Variants in PHYH observed in about 807,000 individuals in gnomAD.
PHYH encodes phytanoyl-CoA dioxygenase, peroxisomal.
Under a neutral mutation model 38.5 loss-of-function variants are expected in PHYH, and 32 were observed. The ratio of observed to expected loss-of-function variants is 0.83; its 90% CI spans 0.63 to 1.12. The LOEUF (loss-of-function observed/expected upper bound fraction) is 1.12. Among genes scored for constraint, PHYH ranks in the 50% most tolerant of loss-of-function variants. The pLI is 0.00. For missense variants in PHYH, 426 were observed against 434.8 expected (o/e 0.98, Z 0.18); for synonymous variants, 166 against 157.9 (o/e 1.05, Z -0.38).
intron 2 of PHYH, among the ~76,000 whole-genome samples, chr10:13,296,879 G>A (rs186261928): frequency 3.0e-4 from 45 of 150,794 alleles, no homozygotes; most frequent in African/African-American, 1.0e-3. Context: ...GCGTGAACCC[G>A]GGAGGCGGAG....
intron 6 of PHYH, among the ~76,000 whole-genome samples, chr10:13,286,081 T>C (rs1835541860): frequency 6.6e-6 from 1 of 151,960 alleles, no homozygotes; most frequent in South Asian, 2.1e-4. Flanking sequence ...CTAATTATTA[T>C]TATTATTATT....
chr10:13,283,919 C>A, intron 6 of PHYH, 80 bp from the exon 7 acceptor site: 4 of 1,168,182 alleles, frequency 3.4e-6, no homozygotes, highest in Non-Finnish European at 5.2e-6. Flanking sequence ...TCAGGGAAAG[C>A]AAACATCAGG....
intron 7 of PHYH, among the ~76,000 whole-genome samples, chr10:13,282,676 C>G (rs1835441889): frequency 1.3e-5 from 2 of 152,108 alleles, no homozygotes; most frequent in South Asian, 2.1e-4. Context: ...GTGCCTGCAC[C>G]TCGCTACTTG....
chr10:13,299,899 C>G, intron 1 of PHYH, 69 bp downstream of exon 1: 9 of 1,473,272 alleles, frequency 6.1e-6, no homozygotes, highest in Non-Finnish European at 8.0e-6. Context: ...CCACCCGGAC[C>G]AGGGCCACCA....
rs1431420703 is a variant in PHYH, at chr10:13,299,059, G to A, written c.76-814C>T. ...GGAGGCTGAGGTGGAAGGATCTCTT[G>A]AGCCCAGGAGTGAGCCGAGATCGTA... On this transcript the variant is annotated intron_variant, in intron 1 of 8. Coordinates refer to ENST00000263038, the MANE Select transcript of PHYH (RefSeq NM_006214.4). 2.7e-5 allele frequency among the ~76,000 whole-genome samples: 4 copies of A among 149,274 alleles called. No individual in the cohort carries two copies. The East Asian group carries it at 7.9e-4, about 29-fold the overall frequency.
intron 7 of PHYH, among the ~76,000 whole-genome samples, chr10:13,282,804 C>T (rs1215853201): frequency 2.6e-5 from 4 of 151,884 alleles, no homozygotes; most frequent in East Asian, 3.9e-4. Context: ...TTTTAAATTT[C>T]GCATTAAAAT....
intron 6 of PHYH, among the ~76,000 whole-genome samples, chr10:13,286,213 T>C (rs1835545650): frequency 1.3e-5 from 2 of 152,140 alleles, no homozygotes; most frequent in Non-Finnish European, 2.9e-5. Flanking sequence ...AATAGTCATC[T>C]CTCTGGTTTC....
intron 5 of PHYH, 113 bp downstream of exon 5, chr10:13,291,718 A>G: frequency 2.7e-6 from 2 of 741,342 alleles, no homozygotes; most frequent in Middle Eastern, 2.7e-4. Flanking sequence ...GGCCTCAGAG[A>G]TCTTCCTCCC....
At chr10:13,292,017 T>C (rs764518228) in intron 4 of PHYH, 105 bp from the exon 5 acceptor site, 4 of 779,174 alleles carry the variant, frequency 5.1e-6, no homozygotes, top group Non-Finnish European at 8.8e-6. Context: ...AAGAAGGCAA[T>C]AGTTTAAGAA....
chr10:13,298,717 C>CTA lies in PHYH; in HGVS notation c.76-473_76-472insTA, dbSNP rs56048454. On this transcript the variant is annotated intron_variant, in intron 1 of 8. Transcript: ENST00000263038. Reference sequence around the variant, plus strand: ...CTCCATCTCAGAAAAAAAACTACCACCACTACTACTACTACTACTACTACT... The same window carrying CTA: ...CTCCATCTCAGAAAAAAAACTACCACTACACTACTACTACTACTACTACTACT... 8.7e-3 allele frequency among the ~76,000 whole-genome samples: 1,025 copies of CTA among 117,144 alleles called. 21 individuals are homozygous for CTA. The highest frequency in any genetic ancestry group is 0.033 in the East Asian group (107 of 3,240). The allele number at this position is 117,144 out of a possible 152,430, so 76.9% of individuals were successfully genotyped here. A position where few individuals can be genotyped will look rare whatever the true frequency, so the allele number is the denominator to read the frequency against.
Position 13,299,987 on chromosome 10 carries a change from C to T in PHYH, c.56G>A (p.Arg19His). Reference protein sequence around the residue: ...RLQIVLGHLGRPSAGAVVAHP... With the variant: ...RLQIVLGHLGHPSAGAVVAHP... ...GGATACGACAGCCCCGGCCGAGGGG[C>T]GGCCGAGGTGGCCCAGAACAATCTG... The change falls in exon 1 of 9, where the codon CGC becomes CAC. Residue 19 changes from arginine (R) to histidine (H), a missense_variant. Physicochemically the swap from Arg to His is conservative, Grantham distance 29. Coordinates refer to ENST00000263038, the MANE Select transcript of PHYH (RefSeq NM_006214.4). 1 of 1,531,462 alleles carries T rather than the reference C, an allele frequency of 6.5e-7. No homozygotes were observed. The allele number at this position is 1,531,462 out of a possible 1,614,324, so 94.9% of individuals were successfully genotyped here.
chr10:13,297,930 A>G (rs1832610523), intron 2 of PHYH, among the ~76,000 whole-genome samples: 3 of 151,718 alleles, frequency 2.0e-5, no homozygotes, highest in Admixed American at 6.6e-5. Flanking sequence ...GCCCGTCTCT[A>G]TTAAAAATAA....
intron 3 of PHYH, 185 bp downstream of exon 3, chr10:13,295,311 G>A: frequency 1.7e-6 from 1 of 582,052 alleles, no homozygotes; most frequent in Non-Finnish European, 3.1e-6. Flanking sequence ...CTACACAACA[G>A]AGTGAGAACC....
chr10:13,298,222 A>T lies in PHYH; in HGVS notation c.99T>A (p.Thr33=). 1 of 1,606,888 alleles carries T rather than the reference A, an allele frequency of 6.2e-7. No homozygotes were observed. The change falls in exon 2 of 9, where the codon ACT becomes ACA. Residue 33 remains threonine (T), a synonymous_variant. Transcript: ENST00000263038. ...GAVVAHPTSG[T]ISSASFHPQQ... The stretch of plus-strand genomic sequence containing the variant: ...GAGGATGGAAACTGGCAGAGGAAAT[A>T]GTCCCTGAAGTGGGATGAGCTACCT...
At chr10:13,291,026 C>G (rs1449505991) in intron 5 of PHYH, among the ~76,000 whole-genome samples, 1 of 140,398 alleles carries the variant, frequency 7.1e-6, no homozygotes, top group Non-Finnish European at 1.5e-5. Flanking sequence ...ATTGTTTGAA[C>G]CTGGGAGGTG....
intron 1 of PHYH, chr10:13,299,645 C>G: frequency 8.6e-7 from 1 of 1,162,980 alleles, no homozygotes; most frequent in Non-Finnish European, 1.1e-6. Flanking sequence ...GGTCTCTGGA[C>G]AGCTGCCGGG....
intron 4 of PHYH, 23 bp from the exon 5 acceptor site, chr10:13,291,935 A>G (rs776777766): frequency 6.5e-7 from 1 of 1,530,512 alleles, no homozygotes; most frequent in Non-Finnish European, 9.0e-7. Context: ...AAAAAAAACA[A>G]AAACAAACCT....
intron 6 of PHYH, among the ~76,000 whole-genome samples, chr10:13,286,713 A>C (rs1343765597): frequency 7.2e-5 from 11 of 151,834 alleles, no homozygotes; most frequent in Non-Finnish European, 1.3e-4. Context: ...AAAAAAAAAA[A>C]AAACAACAAA....
In PHYH at chr10:13,278,236, C is replaced by T. The variant is rs11133; in HGVS notation, c.*65G>A. 0.25 allele frequency: 274,638 copies of T among 1,086,974 alleles called. 35,909 individuals carry two copies. The highest frequency in any genetic ancestry group is 0.35 in the African/African-American group (22,538 of 64,770). The allele number at this position is 1,086,974 out of a possible 1,614,324, so 67.3% of individuals were successfully genotyped here. The stretch of plus-strand genomic sequence containing the variant: ...AGGTTACATCATCTCATTAAGAAAA[C>T]ATTTTCCTTAGACATTTCGTTTGGT... On this transcript the variant is annotated 3_prime_UTR_variant, in exon 9 of 9. Coordinates refer to ENST00000263038, the MANE Select transcript of PHYH (RefSeq NM_006214.4).
Sources: allele counts gnomAD v4.1 joint callset (sites outside exome capture counted in the v4.1 genomes callset), GRCh38; gene constraint gnomAD v4.1.1; transcripts MANE v1.5; gene names NCBI Gene and HGNC (gene_info 2026-07-23, HGNC 2026-07-21).